GABRB1: variants seen among roughly 807,000 people sequenced by gnomAD.
GABRB1 encodes gamma-aminobutyric acid receptor subunit beta-1.
A neutral mutation model predicts 51.6 loss-of-function variants in GABRB1; 17 were observed. The ratio of observed to expected loss-of-function variants is 0.33; its 90% CI spans 0.23 to 0.49. The LOEUF (loss-of-function observed/expected upper bound fraction) is 0.49. Ranked by LOEUF, GABRB1 falls within the 20% of genes least tolerant of loss-of-function variation. The pLI, the probability that GABRB1 is intolerant of heterozygous loss-of-function variation, is 0.99. For missense variants in GABRB1, 410 were observed against 600.6 expected (o/e 0.68, Z 3.32); for synonymous variants, 247 against 218.9 (o/e 1.13, Z -1.14).
intron 4 of GABRB1, among the ~76,000 whole-genome samples, chr4:47,165,598 G>T (rs992798037): frequency 6.6e-6 from 1 of 152,008 alleles, no homozygotes; most frequent in Non-Finnish European, 1.5e-5. Flanking sequence ...AATTATTCTT[G>T]TTCTTCTGTC....
intron 4 of GABRB1, among the ~76,000 whole-genome samples, chr4:47,188,076 A>G (rs1406028593): frequency 2.6e-5 from 4 of 152,008 alleles, no homozygotes; most frequent in Admixed American, 1.3e-4. Flanking sequence ...AGATGTGCTC[A>G]GTTTTATGAG....
chr4:47,320,840 G>A (rs1234606537), intron 5 of GABRB1, among the ~76,000 whole-genome samples: 2 of 141,440 alleles, frequency 1.4e-5, no homozygotes, highest in Non-Finnish European at 3.0e-5. Context: ...CGCCATCTCC[G>A]CTCACCGCAA....
At chr4:47,329,537 A>AAT (rs1324365260) in intron 5 of GABRB1, among the ~76,000 whole-genome samples, 9 of 148,420 alleles carry the variant, frequency 6.1e-5, no homozygotes, top group East Asian at 2.0e-4. Context: ...TACATTTAGA[A>AAT]ATATATATAT....
chr4:47,001,440 C>A (rs556215587), intron 1 of GABRB1, among the ~76,000 whole-genome samples: 1 of 152,132 alleles, frequency 6.6e-6, no homozygotes, highest in Non-Finnish European at 1.5e-5. Flanking sequence ...CCATGCCCGG[C>A]CAGATATTAT....
intron 4 of GABRB1, among the ~76,000 whole-genome samples, chr4:47,278,192 T>C (rs934125176): frequency 8.5e-5 from 13 of 152,220 alleles, no homozygotes; most frequent in African/African-American, 3.1e-4. Flanking sequence ...TTACTAGCTC[T>C]CATAATGTTA....
At chr4:47,386,777 C>T (rs753147078) in intron 5 of GABRB1, among the ~76,000 whole-genome samples, 1 of 152,130 alleles carries the variant, frequency 6.6e-6, no homozygotes, top group African/African-American at 2.4e-5. Context: ...GAAATTGAAG[C>T]ATTCTGGGCA....
intron 3 of GABRB1, among the ~76,000 whole-genome samples, chr4:47,053,297 A>G (rs1316866497): frequency 1.3e-5 from 2 of 152,142 alleles, no homozygotes; most frequent in African/African-American, 2.4e-5. Context: ...TTTTTTCACA[A>G]TTCTGGAAAC....
intron 5 of GABRB1, among the ~76,000 whole-genome samples, chr4:47,350,258 C>A (rs1356240073): frequency 1.8e-5 from 2 of 111,642 alleles, no homozygotes; most frequent in Admixed American, 9.6e-5. Flanking sequence ...TTAAGGCATT[C>A]ATTAATGTGT....
At chr4:47,013,942 G>A (rs1724660377) in intron 1 of GABRB1, among the ~76,000 whole-genome samples, 1 of 152,134 alleles carries the variant, frequency 6.6e-6, no homozygotes, top group African/African-American at 2.4e-5. Flanking sequence ...ACTATGGTTT[G>A]TGTTTTTTCT....
intron 4 of GABRB1, among the ~76,000 whole-genome samples, chr4:47,295,649 G>A (rs573694193): frequency 1.3e-5 from 2 of 152,366 alleles, no homozygotes; most frequent in South Asian, 4.1e-4. Flanking sequence ...ACCTGAAAGT[G>A]ACGGGGAGAA....
chr4:47,095,161 C>T (rs1310780363), intron 3 of GABRB1, among the ~76,000 whole-genome samples: 1 of 151,866 alleles, frequency 6.6e-6, no homozygotes, highest in Non-Finnish European at 1.5e-5. Flanking sequence ...ATCCCTTTAA[C>T]AGATTTTACA....
intron 1 of GABRB1, among the ~76,000 whole-genome samples, chr4:47,018,058 C>G (rs1203072517): frequency 1.3e-5 from 2 of 151,410 alleles, no homozygotes; most frequent in Admixed American, 6.6e-5. Flanking sequence ...CCTCCTCCTC[C>G]TCTTCTTCCT....
intron 3 of GABRB1, among the ~76,000 whole-genome samples, chr4:47,072,253 C>T (rs984813363): frequency 6.6e-6 from 1 of 152,106 alleles, no homozygotes; most frequent in African/African-American, 2.4e-5. Flanking sequence ...GTGGCTTTAC[C>T]ATTTTAAGCA....
intron 4 of GABRB1, among the ~76,000 whole-genome samples, chr4:47,268,003 C>A (rs1315333783): frequency 1.8e-4 from 27 of 151,966 alleles, no homozygotes; most frequent in Admixed American, 1.8e-3. Context: ...AGGAAGAAAA[C>A]TTAAATCATA....
At chr4:47,404,485 G>A (rs993696794) in intron 7 of GABRB1, among the ~76,000 whole-genome samples, 6 of 101,548 alleles carry the variant, frequency 5.9e-5, no homozygotes, top group South Asian at 3.4e-4. Flanking sequence ...TCTCACACAC[G>A]CATGCACACA....
intron 5 of GABRB1, among the ~76,000 whole-genome samples, chr4:47,337,507 A>G (rs1725740180): frequency 6.6e-6 from 1 of 152,064 alleles, no homozygotes; most frequent in Non-Finnish European, 1.5e-5. Flanking sequence ...AGACAGAATA[A>G]GGAATGCATA....
chr4:47,220,188 C>T (rs1035918618), intron 4 of GABRB1, among the ~76,000 whole-genome samples: 3 of 151,928 alleles, frequency 2.0e-5, no homozygotes, highest in Middle Eastern at 3.2e-3. Context: ...ATTTCCCAAC[C>T]GCTTCCAGAC....
At position 47,356,848 on chromosome 4, in the gene GABRB1, T is replaced by C. The variant is rs147480910; in HGVS notation, c.544+36639T>C. 4.8e-3 allele frequency among the ~76,000 whole-genome samples: 728 copies of C among 152,300 alleles called. 7 individuals are homozygous for C. The highest frequency in any genetic ancestry group is 0.027 in the South Asian group (132 of 4,814). On this transcript the variant is annotated intron_variant, in intron 5 of 8. Transcript: ENST00000295454. ...TTTAAAAATATTATTTGATTGATAT[T>C]TTTGATGCCCCTGAAGGCTAAGAAA...
chr4:47,049,187 T>G (rs1328174858), intron 3 of GABRB1, among the ~76,000 whole-genome samples: 1 of 152,076 alleles, frequency 6.6e-6, no homozygotes, highest in Non-Finnish European at 1.5e-5. Flanking sequence ...AGTTTTCCAG[T>G]CAGGTTTGCT....
Sources: allele counts gnomAD v4.1 joint callset (sites outside exome capture counted in the v4.1 genomes callset), GRCh38; gene constraint gnomAD v4.1.1; transcripts MANE v1.5; gene names NCBI Gene and HGNC (gene_info 2026-07-23, HGNC 2026-07-21).